ZFAND3: variants seen among roughly 807,000 people sequenced by gnomAD.
ZFAND3 encodes AN1-type zinc finger protein 3.
ZFAND3 carries 10 observed loss-of-function variants against 29.6 expected under a neutral mutation model. The observed-to-expected ratio is 0.34, with a 90% CI of 0.21 to 0.57. The LOEUF (loss-of-function observed/expected upper bound fraction) is 0.57, where lower values mean the gene tolerates loss of function less well. Among genes scored for constraint, ZFAND3 ranks in the 20% least tolerant of loss-of-function variants. The probability of loss-of-function intolerance (pLI) is 0.86; values close to 1 mark genes in which losing one functional copy is unlikely to be tolerated. For synonymous variants in ZFAND3, 128 were observed against 112.6 expected (o/e 1.14, Z -0.87); for missense variants, 230 against 304.5 (o/e 0.76, Z 1.82).
chr6:37,997,021 A>T (rs55943813), intron 2 of ZFAND3, among the ~76,000 whole-genome samples: 11,946 of 152,140 alleles, frequency 0.079, 554 homozygotes, highest in African/African-American at 0.13. Context: ...AGTCACATGT[A>T]CTCTAGAACT....
intron 5 of ZFAND3, 63 bp downstream of exon 5, chr6:38,116,802 A>G: frequency 6.4e-7 from 1 of 1,554,296 alleles, no homozygotes; most frequent in Non-Finnish European, 8.7e-7. Context: ...CCAGCTTTGG[A>G]AATTTAAGTG....
intron 3 of ZFAND3, among the ~76,000 whole-genome samples, chr6:38,062,224 CTG>C (rs558056191): frequency 2.9e-4 from 44 of 152,216 alleles, no homozygotes; most frequent in Admixed American, 5.2e-4. Context: ...AGCTTTACCT[CTG>C]TCACTAACTG....
intron 1 of ZFAND3, among the ~76,000 whole-genome samples, chr6:37,884,236 G>T (rs1175760163): frequency 2.1e-5 from 3 of 145,030 alleles, no homozygotes; most frequent in Non-Finnish European, 4.4e-5. Flanking sequence ...GCTCACGCCT[G>T]TAATCCCAGC....
intron 3 of ZFAND3, among the ~76,000 whole-genome samples, chr6:38,064,186 ATC>A (rs1764297841): frequency 1.3e-5 from 2 of 152,294 alleles, no homozygotes; most frequent in South Asian, 4.1e-4. Flanking sequence ...GTTGGTCAGG[ATC>A]TCATCTGATG....
At chr6:38,022,982 G>T (rs1472364) in intron 2 of ZFAND3, among the ~76,000 whole-genome samples, 2 of 151,980 alleles carry the variant, frequency 1.3e-5, no homozygotes, top group African/African-American at 4.8e-5. Context: ...GTTGGGAGTG[G>T]TTAGCTTTAA....
At chr6:37,902,826 G>C (rs1348581916) in intron 1 of ZFAND3, among the ~76,000 whole-genome samples, 1 of 138,558 alleles carries the variant, frequency 7.2e-6, no homozygotes, top group Non-Finnish European at 1.5e-5. Flanking sequence ...TGATTCTCCT[G>C]CTTCGGCTTC....
chr6:37,999,930 T>C (rs944470605), intron 2 of ZFAND3, among the ~76,000 whole-genome samples: 1 of 152,112 alleles, frequency 6.6e-6, no homozygotes, highest in African/African-American at 2.4e-5. Flanking sequence ...GGCTCCTGAG[T>C]ATATGGGAAT....
chr6:37,843,121 C>CAA (rs34684980), intron 1 of ZFAND3, among the ~76,000 whole-genome samples: 246 of 70,342 alleles, frequency 3.5e-3, no homozygotes, highest in Non-Finnish European at 6.1e-3. Context: ...AACTGTTTCA[C>CAA]AAAAAAAAAA....
At chr6:37,897,617 T>G (rs1453547783) in intron 1 of ZFAND3, among the ~76,000 whole-genome samples, 1 of 152,230 alleles carries the variant, frequency 6.6e-6, no homozygotes, top group African/African-American at 2.4e-5. Flanking sequence ...ATCAGCGGAT[T>G]AGTATTTCAG....
chr6:38,116,497 C>G, intron 4 of ZFAND3, 75 bp from the exon 5 acceptor site: 2 of 1,515,666 alleles, frequency 1.3e-6, no homozygotes, highest in South Asian at 2.6e-5. Flanking sequence ...AGGAGAATGC[C>G]TGGAAATACA....
chr6:38,127,073 C>A (rs1765649535), intron 5 of ZFAND3, among the ~76,000 whole-genome samples: 2 of 152,134 alleles, frequency 1.3e-5, no homozygotes, highest in African/African-American at 4.8e-5. Flanking sequence ...TTACTCCTTT[C>A]CAATCTATAT....
chr6:37,972,020 G>C (rs1296222129), intron 2 of ZFAND3, among the ~76,000 whole-genome samples: 2 of 151,468 alleles, frequency 1.3e-5, no homozygotes, highest in Non-Finnish European at 2.9e-5. Flanking sequence ...CTTTCAAAAA[G>C]GTTTTTGGTT....
chr6:38,060,917 A>G (rs1764225172), intron 2 of ZFAND3, among the ~76,000 whole-genome samples: 1 of 152,160 alleles, frequency 6.6e-6, no homozygotes, highest in African/African-American at 2.4e-5. Context: ...CCTTCCATAT[A>G]TGATTTTTGC....
chr6:38,090,042 G>A (rs1020728423), intron 4 of ZFAND3, among the ~76,000 whole-genome samples: 5 of 152,014 alleles, frequency 3.3e-5, no homozygotes, highest in Non-Finnish European at 4.4e-5. Flanking sequence ...TGGTAGTGAC[G>A]GGGTTTCACC....
chr6:38,061,616 G>A lies in ZFAND3; in HGVS notation c.136G>A (p.Asp46Asn), dbSNP rs752699733. 8.1e-6 allele frequency: 13 copies of A among 1,614,008 alleles called. No homozygotes were observed. Among genetic ancestry groups the A allele is most frequent in the South Asian group, 2.2e-5 (2 of 91,078 alleles). Residue 46 changes from aspartate (D) to asparagine (N), a missense_variant, in exon 3 of 6, where the codon GAT becomes AAT. Coordinates refer to ENST00000287218, the MANE Select transcript of ZFAND3 (RefSeq NM_021943.3). ...FADFQKKQPD[D>N]DSAPSTSNSQ... ...AGATTTTCAAAAGAAACAGCCAGAC[G>A]ATGATTCCGCTCCAAGTACAAGTAA...
chr6:37,865,019 A>C (rs1181903648), intron 1 of ZFAND3, among the ~76,000 whole-genome samples: 1 of 152,134 alleles, frequency 6.6e-6, no homozygotes, highest in Non-Finnish European at 1.5e-5. Context: ...GTCTTTACTA[A>C]AACTACAAAA....
chr6:38,097,285 G>GC (rs1339048234), intron 4 of ZFAND3, among the ~76,000 whole-genome samples: 1 of 142,992 alleles, frequency 7.0e-6, no homozygotes, highest in Non-Finnish European at 1.5e-5. Flanking sequence ...ACGGAGTCTC[G>GC]CTTGTTGTCC....
In ZFAND3 at chr6:37,869,878, T is replaced by C. The variant is rs1156610133; in HGVS notation, c.71+49862T>C. On this transcript the variant is annotated intron_variant, in intron 1 of 5. Transcript: ENST00000287218. ...CCTTTGTTCATTTTCTCTATTGTTT[T>C]TGTTTGCCCTGATGTTTGCTTTTAT... 1.3e-5 allele frequency among the ~76,000 whole-genome samples: 2 copies of C among 152,100 alleles called. 1 individual carries two copies. Among genetic ancestry groups the C allele is most frequent in the Middle Eastern group, 6.3e-3 (2 of 316 alleles).
intron 2 of ZFAND3, among the ~76,000 whole-genome samples, chr6:38,019,394 G>A (rs1763307609): frequency 6.6e-6 from 1 of 151,968 alleles, no homozygotes; most frequent in Non-Finnish European, 1.5e-5. Context: ...TTTTCTATTA[G>A]ACTTTGGGTC....
Sources: gnomAD v4.1 joint callset for allele counts (sites outside exome capture counted in the v4.1 genomes callset) on GRCh38, gnomAD v4.1.1 for gene constraint, MANE v1.5 for transcripts, NCBI Gene and HGNC (gene_info 2026-07-23, HGNC 2026-07-21) for gene names.